The following NOL6 variants were observed in gnomAD, a reference collection of about 807,000 sequenced individuals.
The protein encoded by NOL6 is nucleolar protein 6.
NOL6 carries 33 observed loss-of-function variants against 131.7 expected under a neutral mutation model. The ratio of observed to expected loss-of-function variants is 0.25; its 90% CI spans 0.19 to 0.33. The LOEUF (loss-of-function observed/expected upper bound fraction) is 0.33. Among genes scored for constraint, NOL6 ranks in the 10% least tolerant of loss-of-function variants. NOL6 has a pLI of 1.00. For missense variants in NOL6, 1,297 were observed against 1,494.5 expected, an observed-to-expected ratio of 0.87 and a Z score of 2.18; for synonymous variants, 580 against 605.7, an observed-to-expected ratio of 0.96 and a Z score of 0.62.
chr9:33,464,288 C>T, intron 21 of NOL6, 127 bp from the exon 22 acceptor site: 1 of 1,144,262 alleles, frequency 8.7e-7, no homozygotes, highest in African/African-American at 1.6e-5. Context: ...TCCCCCCCAC[C>T]AAGTGGCAAA....
Position 33,473,883 on chromosome 9 carries a change from C to G in NOL6, c.-41G>C, listed in dbSNP as rs1180185777. ...ACTCTCCCGCACTTCAGATTCTAGCCGGGTCTATACCTCATAGCTTCCCAC... is the reference window on the plus strand; with the variant it reads ...ACTCTCCCGCACTTCAGATTCTAGCGGGGTCTATACCTCATAGCTTCCCAC... On this transcript the variant is annotated 5_prime_UTR_variant, in exon 1 of 26. Coordinates refer to ENST00000297990, the MANE Select transcript of NOL6 (RefSeq NM_022917.5). 2 of 1,607,220 alleles carry G rather than the reference C, an allele frequency of 1.2e-6. No individual in the cohort carries two copies. Among genetic ancestry groups the G allele is most frequent in the Non-Finnish European group, 8.5e-7 (1 of 1,179,172 alleles).
At position 33,462,546 on chromosome 9, in the gene NOL6, G is replaced by T; in HGVS notation, c.*118C>A. 1 of 1,181,726 alleles carries T rather than the reference G, an allele frequency of 8.5e-7. No homozygotes were observed. The highest frequency in any genetic ancestry group is 1.2e-6 in the Non-Finnish European group (1 of 830,834). 73.2% of individuals were successfully genotyped at this position (1,181,726 alleles called of 1,614,324 possible). On this transcript the variant is annotated 3_prime_UTR_variant, in exon 26 of 26. Coordinates refer to ENST00000297990, the MANE Select transcript of NOL6 (RefSeq NM_022917.5). ...TGTTGGAGATGATTCAGCATGTTCAGCCAGCAGGCCCTCCATGGAGGATTC... is the reference window on the plus strand; with the variant it reads ...TGTTGGAGATGATTCAGCATGTTCATCCAGCAGGCCCTCCATGGAGGATTC...
Position 33,465,758 on chromosome 9 carries a change from G to A in NOL6, c.2504C>T (p.Pro835Leu), listed in dbSNP as rs746562477. The part of the protein sequence containing the change: ...LRLERDTRQL[P>L]LLTSALHGLQ... ...CCCGTGCAGGGCACTGGTGAGCAGT[G>A]GCAACTGCCTTGTGTCTCTCTCAAG... Residue 835 changes from proline to leucine, a missense_variant, in exon 19 of 26, where the codon CCA (proline) becomes CTA (leucine). Coordinates refer to ENST00000297990, the MANE Select transcript of NOL6 (RefSeq NM_022917.5). The A allele has an allele frequency of 6.2e-7, 1 of 1,613,362 alleles. No individual in the cohort carries two copies. Among genetic ancestry groups the A allele is most frequent in the Non-Finnish European group, 8.5e-7 (1 of 1,179,704 alleles).
chr9:33,463,852 G>C lies in NOL6; in HGVS notation c.2973C>G (p.Pro991=). 1 of 1,613,992 alleles carries C rather than the reference G, an allele frequency of 6.2e-7. No individual in the cohort carries two copies. Among genetic ancestry groups the C allele is most frequent in the Non-Finnish European group, 8.5e-7 (1 of 1,179,976 alleles). ...TTACCCTGATGTCCCCAGGTCCCCG[G>C]GGATCCATGAGCTGCTTCTCTAACA... ...LPMLEKQLMD[P]RGPGDIRTVF... The change falls in exon 23 of 26, where the codon CCC becomes CCG. Residue 991 remains proline (P), a synonymous_variant. Transcript: ENST00000297990.
chr9:33,470,069 A>G lies in NOL6; in HGVS notation c.501T>C (p.Leu167=). ...TGTCTGGTCGGATGCAGGTGCCCAG[A>G]AGGTAGCTGCCCACAACAGTAACCT... The part of the protein sequence containing the change: ...PAQVTVVGSY[L]LGTCIRPDIN... Residue 167 remains leucine (L), a synonymous_variant, in exon 4 of 26, where the codon CTT becomes CTC. Transcript: ENST00000297990. The G allele has an allele frequency of 6.2e-7, 1 of 1,612,862 alleles. No homozygotes were observed. The highest frequency in any genetic ancestry group is 1.1e-5 in the South Asian group (1 of 90,910).
At position 33,473,860 on chromosome 9, in the gene NOL6, T is replaced by C. The variant is rs1229481715; in HGVS notation, c.-18A>G. On this transcript the variant is annotated 5_prime_UTR_variant, in exon 1 of 26. Coordinates refer to ENST00000297990, the MANE Select transcript of NOL6 (RefSeq NM_022917.5). ...GGCCCCATCACTCAGGGTCCAGCAC[T>C]CTCCCGCACTTCAGATTCTAGCCGG... The C allele has an allele frequency of 6.3e-7, 1 of 1,594,404 alleles. No individual in the cohort carries two copies. The highest frequency in any genetic ancestry group is 1.7e-5 in the Admixed American group (1 of 59,190).
At chr9:33,472,450 G>C (rs1254623966) in intron 1 of NOL6, 38 bp from the exon 2 acceptor site, 7 of 1,552,440 alleles carry the variant, frequency 4.5e-6, no homozygotes, top group Non-Finnish European at 6.2e-6. Context: ...TGAGGTAATA[G>C]GTATCTAGCA....
At position 33,468,155 on chromosome 9, in the gene NOL6, C is replaced by T; in HGVS notation, c.1309-10G>A. 1.9e-6 allele frequency: 3 copies of T among 1,614,204 alleles called. No individual in the cohort carries two copies. Among genetic ancestry groups the T allele is most frequent in the Non-Finnish European group, 1.7e-6 (2 of 1,180,040 alleles). On this transcript the variant is annotated splice_polypyrimidine_tract_variant and intron_variant, in intron 10 of 25. Coordinates refer to ENST00000297990, the MANE Select transcript of NOL6 (RefSeq NM_022917.5). Reference sequence around the variant, plus strand: ...GTGCCTCATGCTGTACCTGGAGCCACAGAAGGGACCATCCCTGTGCCCTTC... The same window carrying T: ...GTGCCTCATGCTGTACCTGGAGCCATAGAAGGGACCATCCCTGTGCCCTTC...
In NOL6 at chr9:33,466,590, G is replaced by A. The variant is rs752993704; in HGVS notation, c.2070C>T (p.His690=). ...PLTVSAVQGA[H]PVLRYTEVFP... ...TCACCTCTGTGTAGCGCAGCACTGG[G>A]TGAGCTCCCTGAACAGCAGACACGG... Residue 690 remains histidine, a synonymous_variant, in exon 16 of 26, where the codon CAC becomes CAT. Coordinates refer to ENST00000297990, the MANE Select transcript of NOL6 (RefSeq NM_022917.5). 1 of 1,614,134 alleles carries A rather than the reference G, an allele frequency of 6.2e-7. No homozygotes were observed. The highest frequency in any genetic ancestry group is 1.7e-5 in the Admixed American group (1 of 60,012).
intron 3 of NOL6, 80 bp downstream of exon 3, chr9:33,471,924 G>GGGT: frequency 9.8e-7 from 1 of 1,015,292 alleles, no homozygotes; most frequent in Non-Finnish European, 1.6e-6. Context: ...CTTAAACAGA[G>GGGT]TAACAGCAAG....
rs759505359 is a variant in NOL6, at chr9:33,463,045, C to T, written c.3279G>A (p.Pro1093=). The change falls in exon 25 of 26, where the codon CCG becomes CCA. Residue 1093 remains proline (P), a synonymous_variant. Transcript: ENST00000297990. The part of the protein sequence containing the change: ...GVLWKPTSFQ[P]QPFKASSTKG... ...CCAGCCAGCACACCTTGAAGGGCTG[C>T]GGCTGGAAGCTGGTGGGCTTCCAGA... 21 of 1,613,068 alleles carry T rather than the reference C, an allele frequency of 1.3e-5. No individual in the cohort carries two copies. The highest frequency in any genetic ancestry group is 2.2e-5 in the East Asian group (1 of 44,852).
chr9:33,469,994 C>G lies in NOL6; in HGVS notation c.558+18G>C. 1 of 1,553,894 alleles carries G rather than the reference C, an allele frequency of 6.4e-7. No individual in the cohort carries two copies. Among genetic ancestry groups the G allele is most frequent in the Non-Finnish European group, 8.7e-7 (1 of 1,145,468 alleles). The stretch of plus-strand genomic sequence containing the variant: ...TAGTCAGGTGGTGGGCCTCTATCCC[C>G]TAAACCCTGGACCTTACCCTGGGCA... On this transcript the variant is annotated intron_variant, in intron 4 of 25. Transcript: ENST00000297990.
chr9:33,467,802 G>A lies in NOL6; in HGVS notation c.1491C>T (p.Asp497=). ...HRLKLWPELQ[D]NGGDYVSAAL... ...CAGCTGAGACATAGTCCCCACCATT[G>A]TCCTGCAGCTCTGGCCAGAGCTTCA... Residue 497 remains aspartate, a synonymous_variant, in exon 12 of 26, where the codon GAC becomes GAT. Coordinates refer to ENST00000297990, the MANE Select transcript of NOL6 (RefSeq NM_022917.5). This position sits in a 1 kb window ranked among gnomAD's most constrained non-coding sequence, Gnocchi z 4.4. The A allele has an allele frequency of 3.1e-6, 5 of 1,611,358 alleles. No homozygotes were observed. Among genetic ancestry groups the A allele is most frequent in the Non-Finnish European group, 4.2e-6 (5 of 1,178,876 alleles).
At position 33,462,274 on chromosome 9, in the gene NOL6, A is replaced by T; in HGVS notation, c.*390T>A. 1.4e-6 allele frequency: 1 copy of T among 714,826 alleles called. No individual in the cohort carries two copies. The highest frequency in any genetic ancestry group is 2.0e-5 in the Admixed American group (1 of 49,976). The allele number at this position is 714,826 out of a possible 1,614,324, so 44.3% of individuals were successfully genotyped here. A position where few individuals can be genotyped will look rare whatever the true frequency, so the allele number is the denominator to read the frequency against. On this transcript the variant is annotated 3_prime_UTR_variant, in exon 26 of 26. Coordinates refer to ENST00000297990, the MANE Select transcript of NOL6 (RefSeq NM_022917.5). Reference sequence around the variant, plus strand: ...TCTAGGCACAGGTCCTGGCAGCAGGAAGGAGACAGAGCCTCTCCCAGGCAC... The same window carrying T: ...TCTAGGCACAGGTCCTGGCAGCAGGTAGGAGACAGAGCCTCTCCCAGGCAC...
rs747888323 is a variant in NOL6, at chr9:33,470,102, G to A, written c.468C>T (p.Pro156=). 1 of 1,613,180 alleles carries A rather than the reference G, an allele frequency of 6.2e-7. No homozygotes were observed. Among genetic ancestry groups the A allele is most frequent in the Non-Finnish European group, 8.5e-7 (1 of 1,179,380 alleles). The change falls in exon 4 of 26, where the codon CCC becomes CCT. Residue 156 remains proline (P), a synonymous_variant. Transcript: ENST00000297990. The part of the protein sequence containing the change: ...YAVKGCFRFL[P]PAQVTVVGSY... The stretch of plus-strand genomic sequence containing the variant: ...TGCCCACAACAGTAACCTGGGCTGG[G>A]GGCAGGAAGCGGAAACAGCCCTTCA...
chr9:33,467,581 T>C lies in NOL6; in HGVS notation c.1603-65A>G. 2 of 1,594,490 alleles carry C rather than the reference T, an allele frequency of 1.3e-6. No homozygotes were observed. The highest frequency in any genetic ancestry group is 1.7e-6 in the Non-Finnish European group (2 of 1,168,046). On this transcript the variant is annotated intron_variant, in intron 12 of 25. Coordinates refer to ENST00000297990, the MANE Select transcript of NOL6 (RefSeq NM_022917.5). This position sits in a 1 kb window ranked among gnomAD's most constrained non-coding sequence, Gnocchi z 4.4. ...TCCAGCCTGGCCTAGAAACCTACTT[T>C]CTAGCTAGCTAGAAACGCCTAGCTG... is the stretch of plus-strand genomic sequence containing the variant.
chr9:33,466,025 TG>T (rs1827230438), intron 18 of NOL6, 45 bp downstream of exon 18: 1 of 1,560,368 alleles, frequency 6.4e-7, no homozygotes, highest in South Asian at 1.2e-5. Context: ...CTGACATCCC[TG>T]GTGCCCCCCT....
At chr9:33,470,295 A>C in intron 3 of NOL6, 104 bp from the exon 4 acceptor site, 1 of 1,024,240 alleles carries the variant, frequency 9.8e-7, no homozygotes, top group Non-Finnish European at 1.3e-6. Context: ...TTGAAACCAA[A>C]CTCCCAATCT....
chr9:33,465,290 A>G lies in NOL6; in HGVS notation c.2598T>C (p.Leu866=), dbSNP rs765652068. Residue 866 remains leucine (L), a synonymous_variant, in exon 20 of 26, where the codon CTT becomes CTC. Transcript: ENST00000297990. ...TCTCATCAGCGAAACCCTCACCAAG[A>G]AGCTGGGCACGCACCCACCGCTTGG... ...RLAKRWVRAQ[L]LGEGFADESL... 2 of 1,593,978 alleles carry G rather than the reference A, an allele frequency of 1.3e-6. No individual in the cohort carries two copies. The highest frequency in any genetic ancestry group is 1.7e-6 in the Non-Finnish European group (2 of 1,169,802).
Sources: gnomAD v4.1 joint callset for allele counts on GRCh38, gnomAD v4.1.1 for gene constraint, Gnocchi (gnomAD v3.1) non-coding constraint, MANE v1.5 for transcripts, NCBI Gene and HGNC (gene_info 2026-07-23, HGNC 2026-07-21) for gene names.